ARHGAP10: variants seen among roughly 807,000 people sequenced by gnomAD.
ARHGAP10 encodes the protein rho GTPase-activating protein 10.
Under a neutral mutation model 108.6 loss-of-function variants are expected in ARHGAP10, and 87 were observed. The observed-to-expected ratio is 0.80, with a 90% confidence interval of 0.67 to 0.96. The LOEUF (loss-of-function observed/expected upper bound fraction) is 0.96, where lower values mean the gene tolerates loss of function less well. Among genes scored for constraint, ARHGAP10 ranks in the 40% least tolerant of loss-of-function variants. ARHGAP10 has a pLI of 0.00. For synonymous variants in ARHGAP10, 347 were observed against 341.1 expected, an observed-to-expected ratio of 1.02 and a Z score of -0.19; for missense variants, 939 against 954.5, an observed-to-expected ratio of 0.98 and a Z score of 0.21.
chr4:147,753,065 A>T (rs1255025783), intron 1 of ARHGAP10, among the ~76,000 whole-genome samples: 1 of 152,208 alleles, frequency 6.6e-6, no homozygotes, highest in Non-Finnish European at 1.5e-5. Context: ...TCATATGGCA[A>T]AGTAATAGTA....
intron 13 of ARHGAP10, among the ~76,000 whole-genome samples, chr4:147,931,461 A>T (rs1370130054): frequency 6.6e-6 from 1 of 152,308 alleles, no homozygotes; most frequent in East Asian, 1.9e-4. Flanking sequence ...TTAATTTTTC[A>T]GTTCTAAATT....
rs748424779 is a variant in ARHGAP10, at chr4:147,879,199, G to A, written c.833-33G>A. On this transcript the variant is annotated intron_variant, in intron 8 of 22. Transcript: ENST00000336498. ...GCTCTGCAAATCTGCTTATTTATGAGGGAAAATATAAAGGGCTGTTTTTTT... is the reference window on the plus strand; with the variant it reads ...GCTCTGCAAATCTGCTTATTTATGAAGGAAAATATAAAGGGCTGTTTTTTT... The A allele has an allele frequency of 4.4e-6, 7 of 1,577,148 alleles. No homozygotes were observed. The Admixed American group carries it at 9.0e-5, about 20-fold the overall frequency.
intron 19 of ARHGAP10, among the ~76,000 whole-genome samples, chr4:148,036,508 A>G (rs1186184797): frequency 6.6e-6 from 1 of 152,168 alleles, no homozygotes; most frequent in African/African-American, 2.4e-5. Context: ...ATGGTTTTAT[A>G]AGGGGGCTTT....
intron 10 of ARHGAP10, among the ~76,000 whole-genome samples, chr4:147,883,547 T>A (rs1484074057): frequency 6.6e-6 from 1 of 152,208 alleles, no homozygotes; most frequent in African/African-American, 2.4e-5. Flanking sequence ...TCTCAGGTAG[T>A]TGTTACTGTT....
intron 22 of ARHGAP10, among the ~76,000 whole-genome samples, chr4:148,065,941 T>A (rs1360614900): frequency 7.5e-6 from 1 of 132,696 alleles, no homozygotes; most frequent in Non-Finnish European, 1.5e-5. Flanking sequence ...TGCCCAGGAG[T>A]TCGAGGCCAG....
At chr4:147,777,568 T>G (rs905279033) in intron 1 of ARHGAP10, among the ~76,000 whole-genome samples, 9 of 152,138 alleles carry the variant, frequency 5.9e-5, no homozygotes, top group African/African-American at 1.4e-4. Context: ...TAGGGTGTAA[T>G]TTCCAAAGTT....
At chr4:148,022,706 G>C (rs1159736727) in intron 18 of ARHGAP10, among the ~76,000 whole-genome samples, 2 of 152,140 alleles carry the variant, frequency 1.3e-5, no homozygotes, top group African/African-American at 4.8e-5. Context: ...ATAAAAGAGG[G>C]GTTAGAGGGT....
chr4:148,019,772 A>C (rs143498441), intron 18 of ARHGAP10, among the ~76,000 whole-genome samples: 28 of 152,120 alleles, frequency 1.8e-4, no homozygotes, highest in Admixed American at 1.5e-3. Context: ...CTAAAAAAAA[A>C]AAAACAAAAC....
chr4:148,048,615 G>A lies in ARHGAP10; in HGVS notation c.2027+1564G>A, dbSNP rs370853201. Among the ~76,000 whole-genome samples the A allele has an allele frequency of 2.4e-4, 37 of 152,330 alleles. No individual in the cohort carries two copies. The East Asian group carries it at 2.9e-3, about 12-fold the overall frequency. On this transcript the variant is annotated intron_variant, in intron 20 of 22. Coordinates refer to ENST00000336498, the MANE Select transcript of ARHGAP10 (RefSeq NM_024605.4). ...TATAATCCTGGTTACACTCGAGGTGGAATTTAGCATGTGTGTATGTTTTAG... is the reference window on the plus strand; with the variant it reads ...TATAATCCTGGTTACACTCGAGGTGAAATTTAGCATGTGTGTATGTTTTAG...
chr4:147,817,997 C>G (rs767064382), intron 1 of ARHGAP10, among the ~76,000 whole-genome samples: 6 of 152,148 alleles, frequency 3.9e-5, no homozygotes, highest in Non-Finnish European at 7.3e-5. Flanking sequence ...AACGTGAAAT[C>G]TCTTGAAAGA....
intron 1 of ARHGAP10, among the ~76,000 whole-genome samples, chr4:147,740,093 G>C (rs1309390798): frequency 2.7e-5 from 4 of 147,202 alleles, no homozygotes; most frequent in Non-Finnish European, 5.9e-5. Flanking sequence ...CTGTTGCCCA[G>C]GCTGGAGTGC....
At chr4:147,884,850 G>T (rs1360770957) in intron 10 of ARHGAP10, among the ~76,000 whole-genome samples, 2 of 152,176 alleles carry the variant, frequency 1.3e-5, no homozygotes, top group Non-Finnish European at 2.9e-5. Flanking sequence ...TGAAGTTTTT[G>T]AACTTAATCC....
rs1014342990 is a variant in ARHGAP10 at position 147,990,948 on chromosome 4, C to T, written c.1716+24109C>T. On this transcript the variant is annotated intron_variant, in intron 18 of 22. Transcript: ENST00000336498. ...GGAGGATTACTTGGGACCAGGAGGT[C>T]GAGGCTGCAGTGAGCCATGATCACA... 4.0e-5 allele frequency among the ~76,000 whole-genome samples: 6 copies of T among 151,726 alleles called. No individual in the cohort carries two copies. In the East Asian group the frequency reaches 7.8e-4, roughly 20 times the overall value.
chr4:147,850,107 T>C lies in ARHGAP10; in HGVS notation c.384+2885T>C, dbSNP rs191090896. ...CAGCACTCTGTGTCTAGCCAAAGGT[T>C]TGTAAATGCACCAATCAGCACTCTG... On this transcript the variant is annotated intron_variant, in intron 4 of 22. Transcript: ENST00000336498. Among the ~76,000 whole-genome samples the C allele has an allele frequency of 6.7e-3, 1,024 of 152,196 alleles. 4 individuals are homozygous for C. The highest frequency in any genetic ancestry group is 0.023 in the Admixed American group (346 of 15,276).
intron 12 of ARHGAP10, among the ~76,000 whole-genome samples, chr4:147,912,039 G>GTATA (rs1434697347): frequency 8.2e-5 from 10 of 121,762 alleles, no homozygotes; most frequent in African/African-American, 2.9e-4. Flanking sequence ...GTGTGTGTGT[G>GTATA]TATAGTTTTC....
intron 19 of ARHGAP10, among the ~76,000 whole-genome samples, chr4:148,043,786 A>ATG (rs1728759070): frequency 1.4e-5 from 2 of 145,690 alleles, no homozygotes; most frequent in South Asian, 2.1e-4. Flanking sequence ...GTATATATAT[A>ATG]TGTATATATA....
chr4:148,067,234 T>C (rs1319344565), intron 22 of ARHGAP10, among the ~76,000 whole-genome samples: 12 of 152,252 alleles, frequency 7.9e-5, no homozygotes, highest in Non-Finnish European at 1.8e-4. Context: ...TGCTGCTTAA[T>C]AGGAACACTT....
chr4:147,733,254 T>C (rs890334622), intron 1 of ARHGAP10, among the ~76,000 whole-genome samples: 1 of 152,054 alleles, frequency 6.6e-6, no homozygotes, highest in Non-Finnish European at 1.5e-5. Context: ...TTTAGTGTAG[T>C]TGAGGAGAGT....
intron 1 of ARHGAP10, among the ~76,000 whole-genome samples, chr4:147,816,688 T>TA (rs1732262055): frequency 6.6e-6 from 1 of 152,218 alleles, no homozygotes; most frequent in Non-Finnish European, 1.5e-5. Flanking sequence ...AAAAATGAGT[T>TA]AGTTATTTGC....
Sources: allele counts gnomAD v4.1 joint callset (sites outside exome capture counted in the v4.1 genomes callset), GRCh38; gene constraint gnomAD v4.1.1; transcripts MANE v1.5; gene names NCBI Gene and HGNC (gene_info 2026-07-23, HGNC 2026-07-21).